The following IL1RAPL2 variants were observed in gnomAD, a reference collection of about 807,000 sequenced individuals.
IL1RAPL2 encodes X-linked interleukin-1 receptor accessory protein-like 2.
Under a neutral mutation model 44.1 loss-of-function variants are expected in IL1RAPL2, and 3 were observed. The ratio of observed to expected loss-of-function variants is 0.07; its 90% CI spans 0.03 to 0.18. The LOEUF (loss-of-function observed/expected upper bound fraction) is 0.18, where lower values mean the gene tolerates loss of function less well. Among genes scored for constraint, IL1RAPL2 ranks in the 10% least tolerant of loss-of-function variants. The pLI is 1.00. For missense variants in IL1RAPL2, 391 were observed against 496.4 expected, an observed-to-expected ratio of 0.79 and a Z score of 2.02; for synonymous variants, 181 against 178.8, an observed-to-expected ratio of 1.01 and a Z score of -0.10.
intron 6 of IL1RAPL2, among the ~76,000 whole-genome samples, chrX:105,604,207 A>T (rs1362223399): frequency 8.9e-6 from 1 of 111,764 alleles, no homozygotes; most frequent in Non-Finnish European, 1.9e-5. Flanking sequence ...ACAAAATATT[A>T]ACAACCTGAA....
At chrX:105,013,333 A>T (rs1392323609) in intron 2 of IL1RAPL2, among the ~76,000 whole-genome samples, 1 of 110,756 alleles carries the variant, frequency 9.0e-6, no homozygotes, top group Non-Finnish European at 1.9e-5. Context: ...GAACCGCAGC[A>T]TCAAAGAGTT....
chrX:104,689,120 G>A (rs1439506513), intron 2 of IL1RAPL2, among the ~76,000 whole-genome samples: 1 of 111,852 alleles, frequency 8.9e-6, no homozygotes, highest in Admixed American at 9.5e-5. Flanking sequence ...CGCTAAATAT[G>A]TGTTGGTAGA....
intron 5 of IL1RAPL2, among the ~76,000 whole-genome samples, chrX:105,358,264 T>C (rs920286420): frequency 9.1e-6 from 1 of 110,256 alleles, no homozygotes; most frequent in African/African-American, 3.3e-5. Context: ...TTTTTTTTCC[T>C]ACACGTTTTT....
chrX:105,033,978 G>A (rs1022422871), intron 2 of IL1RAPL2, among the ~76,000 whole-genome samples: 5 of 111,033 alleles, frequency 4.5e-5, no homozygotes, highest in Non-Finnish European at 9.4e-5. Flanking sequence ...TTCATTTCAT[G>A]TTCCATCACA....
intron 2 of IL1RAPL2, among the ~76,000 whole-genome samples, chrX:104,922,031 C>T (rs1319042504): frequency 8.9e-6 from 1 of 112,123 alleles, no homozygotes; most frequent in African/African-American, 3.2e-5. Flanking sequence ...GAGAGCAGCC[C>T]CTAGACCCCT....
At chrX:105,443,546 A>C (rs761171110) in intron 5 of IL1RAPL2, among the ~76,000 whole-genome samples, 110 of 111,519 alleles carry the variant, frequency 9.9e-4, no homozygotes, top group Non-Finnish European at 4.5e-4. Context: ...ATTCTCTATC[A>C]CCACGAATTT....
In IL1RAPL2 at chrX:105,640,246, T is replaced by C. The variant is rs147209227; in HGVS notation, c.773-77121T>C. Among the ~76,000 whole-genome samples the C allele has an allele frequency of 6.9e-3, 760 of 109,877 alleles. 6 individuals carry two copies. The highest frequency in any genetic ancestry group is 0.024 in the African/African-American group (717 of 30,257). On this transcript the variant is annotated intron_variant, in intron 6 of 10. Coordinates refer to ENST00000372582, the MANE Select transcript of IL1RAPL2 (RefSeq NM_017416.2). ...CAATTCACTTGAAAAAAAAATGAATTAGCAAAAAAGTTAGTGGCCTGGCTT... is the reference window on the plus strand; with the variant it reads ...CAATTCACTTGAAAAAAAAATGAATCAGCAAAAAAGTTAGTGGCCTGGCTT...
chrX:105,218,927 G>A (rs1556171712), intron 3 of IL1RAPL2: 13 of 1,151,492 alleles, frequency 1.1e-5, no homozygotes, highest in Non-Finnish European at 1.5e-5. Flanking sequence ...TCGCCATCGA[G>A]ATATACATGC....
chrX:104,931,646 C>T (rs1266237443), intron 2 of IL1RAPL2, among the ~76,000 whole-genome samples: 1 of 111,474 alleles, frequency 9.0e-6, no homozygotes, highest in Non-Finnish European at 1.9e-5. Context: ...CATATTTTAT[C>T]TACTTCTGAA....
At position 104,658,907 on chromosome X, in the gene IL1RAPL2, G is replaced by A; in HGVS notation, c.-7G>A. Reference sequence around the variant, plus strand: ...TTTGACTTTTCAGCTGTCAAGAAAAGTGAAGGATGAAGCCACCATTTCTTT... The same window carrying A: ...TTTGACTTTTCAGCTGTCAAGAAAAATGAAGGATGAAGCCACCATTTCTTT... On this transcript the variant is annotated 5_prime_UTR_variant, in exon 2 of 11. In the 5' UTR this introduces an upstream ATG that the reference lacks. Coordinates refer to ENST00000372582, the MANE Select transcript of IL1RAPL2 (RefSeq NM_017416.2). The A allele has an allele frequency of 8.4e-7, 1 of 1,196,729 alleles. No homozygotes were observed. Among genetic ancestry groups the A allele is most frequent in the Non-Finnish European group, 1.1e-6 (1 of 883,866 alleles).
At chrX:105,035,720 A>G (rs1311563648) in intron 2 of IL1RAPL2, among the ~76,000 whole-genome samples, 1 of 112,470 alleles carries the variant, frequency 8.9e-6, no homozygotes, top group Non-Finnish European at 1.9e-5. Flanking sequence ...ATTAAAAAGG[A>G]TTTACTGGTC....
intron 2 of IL1RAPL2, among the ~76,000 whole-genome samples, chrX:104,774,821 A>T (rs905843028): frequency 1.8e-5 from 2 of 112,548 alleles, no homozygotes; most frequent in African/African-American, 3.2e-5. Context: ...TGTAATTTGA[A>T]TGGGAAATGG....
intron 5 of IL1RAPL2, among the ~76,000 whole-genome samples, chrX:105,443,218 T>C (rs776672233): frequency 1.8e-5 from 2 of 112,274 alleles, no homozygotes; most frequent in African/African-American, 6.5e-5. Context: ...TTTTTAATTA[T>C]TGTGGGTACA....
chrX:104,735,263 T>A (rs1356975619), intron 2 of IL1RAPL2, among the ~76,000 whole-genome samples: 1 of 111,741 alleles, frequency 8.9e-6, no homozygotes, highest in African/African-American at 3.2e-5. Context: ...TAACAGCTTA[T>A]GTTTATGTTA....
intron 2 of IL1RAPL2, among the ~76,000 whole-genome samples, chrX:104,725,877 TC>T (rs1208026162): frequency 2.7e-5 from 3 of 111,993 alleles, no homozygotes; most frequent in Non-Finnish European, 3.8e-5. Context: ...GTGAAGAAGC[TC>T]TTTAGTTTAA....
At chrX:105,031,435 TGA>T (rs1443812486) in intron 2 of IL1RAPL2, among the ~76,000 whole-genome samples, 1 of 111,459 alleles carries the variant, frequency 9.0e-6, no homozygotes, top group Non-Finnish European at 1.9e-5. Flanking sequence ...CCTAATTTAT[TGA>T]GAGTTTTTAG....
At chrX:104,658,491 G>C (rs1453675210) in intron 1 of IL1RAPL2, among the ~76,000 whole-genome samples, 11 of 112,040 alleles carry the variant, frequency 9.8e-5, no homozygotes, top group Non-Finnish European at 2.1e-4. Flanking sequence ...GGGAGGAATA[G>C]AATTAGGAGA....
At chrX:105,144,094 G>GGTGTGTGTGTGTGTGTGT (rs762069943) in intron 2 of IL1RAPL2, among the ~76,000 whole-genome samples, 1 of 79,575 alleles carries the variant, frequency 1.3e-5, no homozygotes, top group Non-Finnish European at 2.4e-5. Flanking sequence ...TCAACAGATG[G>GGTGTGTGTGTGTGTGTGT]GTGTGTGTGT....
chrX:105,422,058 G>T (rs1017015866), intron 5 of IL1RAPL2, among the ~76,000 whole-genome samples: 2 of 111,992 alleles, frequency 1.8e-5, no homozygotes, highest in South Asian at 7.3e-4. Context: ...GACAAATTAT[G>T]GTAGGACTGA....
Sources: allele counts gnomAD v4.1 joint callset (sites outside exome capture counted in the v4.1 genomes callset), GRCh38; gene constraint gnomAD v4.1.1; transcripts MANE v1.5; gene names NCBI Gene and HGNC (gene_info 2026-07-23, HGNC 2026-07-21).